MAGI1: variants seen among roughly 807,000 people sequenced by gnomAD.
MAGI1 encodes the protein membrane-associated guanylate kinase, WW and PDZ domain-containing protein 1.
In MAGI1, 58 loss-of-function variants were observed where a neutral mutation model predicts 139.9. The ratio of observed to expected loss-of-function variants is 0.41; its 90% confidence interval spans 0.34 to 0.52. The LOEUF is 0.52. Ranked by LOEUF, MAGI1 falls within the 20% of genes least tolerant of loss-of-function variation. MAGI1 has a pLI of 0.12. For missense variants in MAGI1, 1,874 were observed against 1,901.6 expected (o/e 0.99, Z 0.27); for synonymous variants, 812 against 737.9 (o/e 1.10, Z -1.63).
intron 1 of MAGI1, among the ~76,000 whole-genome samples, chr3:65,676,151 C>T (rs1174657921): frequency 6.6e-6 from 1 of 152,114 alleles, no homozygotes; most frequent in Admixed American, 6.5e-5. Context: ...AAATATACAT[C>T]TATATGGGCA....
At chr3:66,021,935 G>C (rs981256897) in intron 1 of MAGI1, among the ~76,000 whole-genome samples, 5 of 152,176 alleles carry the variant, frequency 3.3e-5, no homozygotes, top group African/African-American at 7.2e-5. Context: ...TTTTCTTCAA[G>C]AAGCTGTGCC....
intron 1 of MAGI1, among the ~76,000 whole-genome samples, chr3:66,032,380 TTTTTG>T (rs1445338724): frequency 7.2e-6 from 1 of 138,206 alleles, no homozygotes; most frequent in East Asian, 2.1e-4. Flanking sequence ...CCGGCTAATT[TTTTTG>T]TTTTTTTTTT....
intron 2 of MAGI1, among the ~76,000 whole-genome samples, chr3:65,531,775 C>A (rs1404536): frequency 2.6e-5 from 4 of 151,900 alleles, no homozygotes; most frequent in Admixed American, 2.0e-4. Context: ...CCCTGACTTT[C>A]CAATATTTCA....
At chr3:65,786,641 T>G (rs1225983204) in intron 1 of MAGI1, among the ~76,000 whole-genome samples, 3 of 141,986 alleles carry the variant, frequency 2.1e-5, no homozygotes, top group African/African-American at 7.8e-5. Flanking sequence ...AAACAGAGTC[T>G]TGCTTTGTCA....
At chr3:65,618,843 T>C (rs989946241) in intron 2 of MAGI1, among the ~76,000 whole-genome samples, 3 of 152,166 alleles carry the variant, frequency 2.0e-5, no homozygotes, top group Non-Finnish European at 4.4e-5. Context: ...AGAGAGGTTA[T>C]GTGACTTGTG....
chr3:65,874,671 A>C (rs1025047482), intron 1 of MAGI1: 2 of 152,240 alleles, frequency 1.3e-5, no homozygotes, highest in Non-Finnish European at 2.9e-5. Context: ...TGAATGTAAA[A>C]TGGTGCAGCT....
At chr3:65,539,708 T>C (rs1192072848) in intron 2 of MAGI1, among the ~76,000 whole-genome samples, 1 of 152,166 alleles carries the variant, frequency 6.6e-6, no homozygotes, top group East Asian at 1.9e-4. Context: ...GGCAACTATT[T>C]AGCATATGAA....
intron 1 of MAGI1, chr3:65,873,066 A>T (rs2108495277): frequency 6.6e-6 from 1 of 152,302 alleles, no homozygotes; most frequent in South Asian, 2.1e-4. Context: ...CTTCAATTCT[A>T]AAAAAAGAAC....
intron 3 of MAGI1, among the ~76,000 whole-genome samples, chr3:65,487,307 T>C (rs1357848405): frequency 6.6e-6 from 1 of 152,232 alleles, no homozygotes. Flanking sequence ...TCTTGTTCAC[T>C]AGACATTTAA....
At chr3:65,736,567 G>C (rs557144767) in intron 1 of MAGI1, among the ~76,000 whole-genome samples, 7 of 152,242 alleles carry the variant, frequency 4.6e-5, no homozygotes, top group African/African-American at 1.7e-4. Flanking sequence ...TTGAGAACCT[G>C]GGGTGGGTAA....
At chr3:65,866,420 C>G (rs936596898) in intron 1 of MAGI1, among the ~76,000 whole-genome samples, 1 of 149,824 alleles carries the variant, frequency 6.7e-6, no homozygotes, top group Non-Finnish European at 1.5e-5. Context: ...AAAGGAAACA[C>G]TAAAAGAAAA....
At chr3:65,956,315 CT>C (rs1344616445) in intron 1 of MAGI1, among the ~76,000 whole-genome samples, 1 of 152,098 alleles carries the variant, frequency 6.6e-6, no homozygotes, top group East Asian at 1.9e-4. Flanking sequence ...AATGACATCC[CT>C]TTGCAGATAA....
intron 1 of MAGI1, among the ~76,000 whole-genome samples, chr3:65,870,582 G>A (rs2059903717): frequency 6.6e-6 from 1 of 150,514 alleles, no homozygotes; most frequent in Admixed American, 6.6e-5. Flanking sequence ...AAATCAAGTA[G>A]AGAAGGAGGG....
chr3:65,582,298 A>G (rs1001585678), intron 2 of MAGI1, among the ~76,000 whole-genome samples: 3 of 152,184 alleles, frequency 2.0e-5, no homozygotes, highest in Non-Finnish European at 4.4e-5. Flanking sequence ...TGTATGTGTT[A>G]TGTTTCTGAT....
chr3:65,938,434 T>C (rs1394726721), intron 1 of MAGI1, among the ~76,000 whole-genome samples: 2 of 151,324 alleles, frequency 1.3e-5, no homozygotes, highest in East Asian at 1.9e-4. Flanking sequence ...TTCTCACTTA[T>C]CTGTTCAAGG....
At chr3:65,478,841 C>CT (rs1951062519) in intron 3 of MAGI1, 43 bp from the exon 4 acceptor site, 1 of 1,464,496 alleles carries the variant, frequency 6.8e-7, no homozygotes, top group African/African-American at 1.6e-5. Context: ...AAAAGGAATA[C>CT]TTTGTGTTTT....
intron 1 of MAGI1, among the ~76,000 whole-genome samples, chr3:65,939,700 A>C (rs2106823254): frequency 6.6e-6 from 1 of 152,254 alleles, no homozygotes; most frequent in African/African-American, 2.4e-5. Context: ...TGCATCTAAA[A>C]CCCAGTAAGA....
intron 2 of MAGI1, among the ~76,000 whole-genome samples, chr3:65,550,417 T>C (rs1466583372): frequency 1.3e-5 from 2 of 152,106 alleles, no homozygotes; most frequent in African/African-American, 2.4e-5. Flanking sequence ...CCCTTTTGAG[T>C]TCTGGATGAT....
chr3:65,471,377 A>G (rs1218218985), intron 4 of MAGI1, among the ~76,000 whole-genome samples: 2 of 152,324 alleles, frequency 1.3e-5, no homozygotes, highest in South Asian at 4.1e-4. Flanking sequence ...TCCCACAGTA[A>G]TTCTGTAGAC....
Sources: gnomAD v4.1 joint callset for allele counts (sites outside exome capture counted in the v4.1 genomes callset) on GRCh38, gnomAD v4.1.1 for gene constraint, MANE v1.5 for transcripts, NCBI Gene and HGNC (gene_info 2026-07-23, HGNC 2026-07-21) for gene names.